The following TRPM7 variants were observed in gnomAD, a reference collection of about 807,000 sequenced individuals.
TRPM7 encodes transient receptor potential cation channel subfamily M member 7.
Under a neutral mutation model 229.7 loss-of-function variants are expected in TRPM7, and 134 were observed. That is an observed-to-expected ratio of 0.58 (90% CI 0.51 to 0.67). The LOEUF (loss-of-function observed/expected upper bound fraction) is 0.67. Among genes scored for constraint, TRPM7 ranks in the 30% least tolerant of loss-of-function variants. The pLI is 0.00. For missense variants in TRPM7, 1,901 were observed against 2,210.0 expected (o/e 0.86, Z 2.80); for synonymous variants, 699 against 715.2 (o/e 0.98, Z 0.36).
chr15:50,617,395 C>T (rs935682298), intron 13 of TRPM7, among the ~76,000 whole-genome samples: 6 of 150,394 alleles, frequency 4.0e-5, no homozygotes, highest in Non-Finnish European at 5.9e-5. Context: ...CCCAGCTACT[C>T]GGGAGGCTGA....
chr15:50,677,342 C>T (rs2062115039), intron 1 of TRPM7, among the ~76,000 whole-genome samples: 1 of 152,058 alleles, frequency 6.6e-6, no homozygotes, highest in Non-Finnish European at 1.5e-5. Context: ...TACCATCACA[C>T]TGGAGGTTAG....
At position 50,569,986 on chromosome 15, in the gene TRPM7, C is replaced by T. The variant is rs1026378955; in HGVS notation, c.5368G>A (p.Asp1790Asn). 2.5e-6 allele frequency: 4 copies of T among 1,609,396 alleles called. No homozygotes were observed. In the Admixed American group the frequency reaches 5.0e-5, roughly 20 times the overall value. Residue 1790 changes from aspartate to asparagine, a missense_variant, in exon 38 of 39, where the codon GAT becomes AAT. Transcript: ENST00000646667. ...AGATTTGCTGGGCCAAAAACCATAT[C>T]ACAGGATCTGTAGAATTGGTAATTT... ...VIKAEEKRSC[D>N]MVFGPANLGE...
At chr15:50,648,936 GA>G in intron 3 of TRPM7, 51 bp from the exon 4 acceptor site, 5 of 1,411,820 alleles carry the variant, frequency 3.5e-6, no homozygotes, top group Non-Finnish European at 3.8e-6. Context: ...TAGAGTTAAT[GA>G]AAAAATGGAA....
At position 50,559,359 on chromosome 15, in the gene TRPM7, G is replaced by C. The variant is rs1300570818; in HGVS notation, c.*2319C>G. 7.8e-6 allele frequency: 1 copy of C among 127,954 alleles called. No homozygotes were observed. The highest frequency in any genetic ancestry group is 9.0e-5 in the Admixed American group (1 of 11,124). The allele number at this position is 127,954 out of a possible 1,614,324, so 7.9% of individuals were successfully genotyped here. On this transcript the variant is annotated 3_prime_UTR_variant, in exon 39 of 39. Coordinates refer to ENST00000646667, the MANE Select transcript of TRPM7 (RefSeq NM_017672.6). ...AGCCACTGCACCTGGCCTAATTTTT[G>C]TATTTTTTTTTTTAGCAGAGATAGG...
At chr15:50,656,499 CTTTT>C (rs75557468) in intron 3 of TRPM7, among the ~76,000 whole-genome samples, 1 of 133,504 alleles carries the variant, frequency 7.5e-6, no homozygotes, top group Non-Finnish European at 1.6e-5. Flanking sequence ...GTGTGGTTTT[CTTTT>C]TTTTTTTTTT....
intron 2 of TRPM7, among the ~76,000 whole-genome samples, chr15:50,659,570 G>A (rs2140906282): frequency 6.6e-6 from 1 of 152,246 alleles, no homozygotes; most frequent in East Asian, 1.9e-4. Context: ...CTTAGTAACA[G>A]CTTTGGATTT....
At chr15:50,614,664 CA>C (rs59336476) in intron 13 of TRPM7, among the ~76,000 whole-genome samples, 152 of 92,618 alleles carry the variant, frequency 1.6e-3, no homozygotes, top group Middle Eastern at 5.4e-3. Flanking sequence ...GACTTGGTCT[CA>C]AAAAAAAAAA....
At chr15:50,658,530 C>A (rs1349559377) in intron 2 of TRPM7, among the ~76,000 whole-genome samples, 5 of 151,386 alleles carry the variant, frequency 3.3e-5, no homozygotes, top group Non-Finnish European at 7.4e-5. Flanking sequence ...TGATCATGCC[C>A]CACTGCACTC....
In TRPM7 at chr15:50,666,745, T is replaced by C. The variant is rs528282890; in HGVS notation, c.4-3699A>G. Among the ~76,000 whole-genome samples the C allele has an allele frequency of 3.3e-5, 5 of 151,502 alleles. No individual in the cohort carries two copies. In the South Asian group the frequency reaches 1.0e-3, roughly 32 times the overall value. On this transcript the variant is annotated intron_variant, in intron 1 of 38. Transcript: ENST00000646667. ...TGAACCTGGGAAGCAGAAGTTATGG[T>C]GAGCCGAGATCGTGCCATTGCACTC...
At chr15:50,641,215 G>A (rs1219959460) in intron 5 of TRPM7, among the ~76,000 whole-genome samples, 1 of 151,344 alleles carries the variant, frequency 6.6e-6, no homozygotes, top group Non-Finnish European at 1.5e-5. Context: ...AAGCCAAAAT[G>A]CTTATAACGG....
At chr15:50,638,674 T>TTGTATGTATGTATGTATGTATGTA (rs11283855) in intron 6 of TRPM7, among the ~76,000 whole-genome samples, 5,399 of 150,590 alleles carry the variant, frequency 0.036, 136 homozygotes, top group Non-Finnish European at 0.051. Context: ...AATTCAGTAA[T>TTGTATGTATGTATGTATGTATGTA]TGTATGTATG....
In TRPM7 at chr15:50,592,661, G is replaced by GA. The variant is rs1231604107; in HGVS notation, c.3609-36dup. ...AGAAATAAGCTTTTTTTACAAATGTGAAAAAATAATGTAGAATTTTATTTT... is the reference window on the plus strand; with the variant it reads ...AGAAATAAGCTTTTTTTACAAATGTGAAAAAAATAATGTAGAATTTTATTTT... On this transcript the variant is annotated intron_variant, in intron 25 of 38. Coordinates refer to ENST00000646667, the MANE Select transcript of TRPM7 (RefSeq NM_017672.6). 2.2e-6 allele frequency: 3 copies of GA among 1,358,016 alleles called. No individual in the cohort carries two copies. The South Asian group carries it at 4.6e-5, about 21-fold the overall frequency. 84.1% of individuals were successfully genotyped at this position (1,358,016 alleles called of 1,614,324 possible).
At chr15:50,587,096 A>C (rs144208285) in intron 27 of TRPM7, among the ~76,000 whole-genome samples, 2 of 152,304 alleles carry the variant, frequency 1.3e-5, no homozygotes, top group Non-Finnish European at 2.9e-5. Context: ...GAAAAAACGC[A>C]ATCATTATGA....
intron 30 of TRPM7, among the ~76,000 whole-genome samples, chr15:50,580,047 C>A (rs1051577805): frequency 6.6e-6 from 1 of 152,156 alleles, no homozygotes; most frequent in Admixed American, 6.5e-5. Flanking sequence ...GTGCTGGGAT[C>A]ACAGGTGTGA....
At chr15:50,621,677 T>C (rs147506103) in intron 12 of TRPM7, among the ~76,000 whole-genome samples, 153 of 152,340 alleles carry the variant, frequency 1.0e-3, no homozygotes, top group African/African-American at 3.5e-3. Context: ...GGCTAGACTT[T>C]AAAGACATTT....
chr15:50,674,616 TA>T (rs1438407688), intron 1 of TRPM7, among the ~76,000 whole-genome samples: 2 of 152,220 alleles, frequency 1.3e-5, no homozygotes, highest in African/African-American at 4.8e-5. Context: ...TAACTCTATT[TA>T]CATTTACCAG....
intron 6 of TRPM7, among the ~76,000 whole-genome samples, chr15:50,637,905 G>T (rs1002726180): frequency 6.6e-6 from 1 of 152,118 alleles, no homozygotes; most frequent in Non-Finnish European, 1.5e-5. Flanking sequence ...ATTATTAAGT[G>T]ACTAAACTAC....
intron 22 of TRPM7, 149 bp from the exon 23 acceptor site, chr15:50,596,530 T>C: frequency 1.5e-6 from 1 of 648,006 alleles, no homozygotes; most frequent in Non-Finnish European, 2.4e-6. Flanking sequence ...AGCAAAAGCA[T>C]CTGGGCAAGG....
chr15:50,649,003 G>A (rs1474952589), intron 3 of TRPM7, 118 bp from the exon 4 acceptor site: 4 of 657,050 alleles, frequency 6.1e-6, no homozygotes, highest in African/African-American at 5.6e-5. Flanking sequence ...TTTTATATAA[G>A]TATAAAAATA....
Sources: allele counts gnomAD v4.1 joint callset (sites outside exome capture counted in the v4.1 genomes callset), GRCh38; gene constraint gnomAD v4.1.1; transcripts MANE v1.5; gene names NCBI Gene and HGNC (gene_info 2026-07-23, HGNC 2026-07-21).